DOCK3: variants seen among roughly 807,000 people sequenced by gnomAD.
The protein encoded by DOCK3 is dedicator of cytokinesis protein 3.
A neutral mutation model predicts 265.6 loss-of-function variants in DOCK3; 60 were observed. That is an observed-to-expected ratio of 0.23 (90% CI 0.18 to 0.28). DOCK3 has a LOEUF of 0.28. Among genes scored for constraint, DOCK3 ranks in the 10% least tolerant of loss-of-function variants. The pLI is 1.00. For missense variants in DOCK3, 1,981 were observed against 2,594.3 expected (o/e 0.76, Z 5.14); for synonymous variants, 881 against 938.0 (o/e 0.94, Z 1.11).
chr3:51,282,641 G>A (rs1346779289), intron 27 of DOCK3, among the ~76,000 whole-genome samples: 9 of 121,520 alleles, frequency 7.4e-5, no homozygotes, highest in Admixed American at 5.8e-4. Flanking sequence ...CAACAAGAGT[G>A]AAACTCTGTC....
chr3:50,753,162 G>A (rs780998401), intron 1 of DOCK3, among the ~76,000 whole-genome samples: 1 of 152,162 alleles, frequency 6.6e-6, no homozygotes, highest in Non-Finnish European at 1.5e-5. Flanking sequence ...CTAATGAGAA[G>A]AATAGAATCT....
chr3:51,241,728 C>A (rs1241284727), intron 21 of DOCK3, among the ~76,000 whole-genome samples: 1 of 152,216 alleles, frequency 6.6e-6, no homozygotes, highest in Non-Finnish European at 1.5e-5. Flanking sequence ...TTAATACTTG[C>A]AATTGCATTC....
chr3:50,719,716 A>C, intron 1 of DOCK3: 1 of 1,421,268 alleles, frequency 7.0e-7, no homozygotes, highest in Admixed American at 1.7e-5. Flanking sequence ...TTCAGAGTGA[A>C]GTTCTTATCA....
intron 5 of DOCK3, among the ~76,000 whole-genome samples, chr3:50,940,189 T>C (rs1315428820): frequency 6.6e-6 from 1 of 151,284 alleles, no homozygotes; most frequent in Non-Finnish European, 1.5e-5. Flanking sequence ...AGGCACAGTG[T>C]CTCATGCTTG....
Position 50,675,161 on chromosome 3 carries a change from C to A in DOCK3, c.-103C>A. 1.2e-6 allele frequency: 1 copy of A among 865,910 alleles called. No homozygotes were observed. The highest frequency in any genetic ancestry group is 1.4e-6 in the Non-Finnish European group (1 of 707,108). 53.6% of individuals were successfully genotyped at this position (865,910 alleles called of 1,614,324 possible). On this transcript the variant is annotated 5_prime_UTR_variant, in exon 1 of 53. Coordinates refer to ENST00000266037, the MANE Select transcript of DOCK3 (RefSeq NM_004947.5). The surrounding 1 kb of genome is among the most constrained non-coding windows in gnomAD (Gnocchi z 6.1). Reference sequence around the variant, plus strand: ...CCGCCCACTGCCCCGCGCCGCCTGACCGTCCCCGCCTCGACTCGCGGTGCG... The same window carrying A: ...CCGCCCACTGCCCCGCGCCGCCTGAACGTCCCCGCCTCGACTCGCGGTGCG...
intron 1 of DOCK3, among the ~76,000 whole-genome samples, chr3:50,775,631 G>A (rs1348863016): frequency 6.6e-6 from 1 of 151,992 alleles, no homozygotes; most frequent in South Asian, 2.1e-4. Flanking sequence ...AGTAGAGGTA[G>A]GTTTTGGTTT....
chr3:50,854,450 G>A (rs1670522431), intron 3 of DOCK3, among the ~76,000 whole-genome samples: 2 of 141,372 alleles, frequency 1.4e-5, no homozygotes, highest in Non-Finnish European at 3.0e-5. Context: ...TTATTTTGGC[G>A]AACAGGGTCT....
chr3:50,959,156 G>A (rs1209051035), intron 5 of DOCK3, among the ~76,000 whole-genome samples: 1 of 152,078 alleles, frequency 6.6e-6, no homozygotes, highest in Non-Finnish European at 1.5e-5. Context: ...GTAATATACT[G>A]TGCAGACTTT....
chr3:50,787,983 C>T, intron 2 of DOCK3: 1 of 835,872 alleles, frequency 1.2e-6, no homozygotes, highest in Non-Finnish European at 2.0e-6. Flanking sequence ...TCTTCTGTGT[C>T]ATCAGAATTC....
intron 4 of DOCK3, among the ~76,000 whole-genome samples, chr3:50,903,149 T>C (rs979555464): frequency 1.3e-5 from 2 of 152,162 alleles, no homozygotes; most frequent in African/African-American, 4.8e-5. Context: ...TCTTCCTGTT[T>C]GAATACTTTA....
intron 7 of DOCK3, among the ~76,000 whole-genome samples, chr3:51,079,660 G>A (rs1162045867): frequency 5.3e-5 from 8 of 151,986 alleles, no homozygotes; most frequent in Admixed American, 2.6e-4. Flanking sequence ...GCAGGATTTT[G>A]CATTCTTTAT....
At chr3:50,885,678 C>T in intron 3 of DOCK3, among the ~76,000 whole-genome samples, 1 of 152,058 alleles carries the variant, frequency 6.6e-6, no homozygotes, top group South Asian at 2.1e-4. Context: ...TCCAGATAAT[C>T]CAGGCAATCT....
chr3:50,780,249 C>T (rs535459428), intron 2 of DOCK3, among the ~76,000 whole-genome samples: 4 of 152,246 alleles, frequency 2.6e-5, no homozygotes, highest in East Asian at 1.9e-4. Context: ...ACATCACATT[C>T]GGTCATAAAA....
chr3:50,853,361 A>G (rs2046428745), intron 3 of DOCK3, among the ~76,000 whole-genome samples: 2 of 151,624 alleles, frequency 1.3e-5, no homozygotes, highest in South Asian at 4.2e-4. Flanking sequence ...TTACATGGGT[A>G]TATTGTGTAA....
intron 33 of DOCK3, among the ~76,000 whole-genome samples, chr3:51,332,439 C>T (rs1328038963): frequency 6.6e-6 from 1 of 152,200 alleles, no homozygotes; most frequent in African/African-American, 2.4e-5. Flanking sequence ...TGCTTGGGAG[C>T]ATTCCCTGTG....
intron 5 of DOCK3, among the ~76,000 whole-genome samples, chr3:51,061,772 C>T (rs1369240019): frequency 1.3e-5 from 2 of 152,066 alleles, no homozygotes; most frequent in African/African-American, 4.8e-5. Context: ...GACACATACT[C>T]TCCTGCTTTT....
intron 14 of DOCK3, among the ~76,000 whole-genome samples, chr3:51,219,278 A>T (rs1041552615): frequency 1.3e-5 from 2 of 152,080 alleles, no homozygotes; most frequent in Admixed American, 6.6e-5. Context: ...GCAGAGATGA[A>T]GATAGTTGGG....
intron 6 of DOCK3, among the ~76,000 whole-genome samples, chr3:51,068,186 A>G (rs2081676912): frequency 6.6e-6 from 1 of 152,336 alleles, no homozygotes; most frequent in Non-Finnish European, 1.5e-5. Flanking sequence ...TATTGATTAA[A>G]TATGTCTACA....
chr3:51,282,079 G>A (rs893236932), intron 27 of DOCK3, among the ~76,000 whole-genome samples: 6 of 152,234 alleles, frequency 3.9e-5, no homozygotes, highest in Middle Eastern at 3.4e-3. Context: ...GCTGGAACGG[G>A]ACCTCACATT....
Sources: gnomAD v4.1 joint callset for allele counts (sites outside exome capture counted in the v4.1 genomes callset) on GRCh38, gnomAD v4.1.1 for gene constraint, Gnocchi (gnomAD v3.1) non-coding constraint, MANE v1.5 for transcripts, NCBI Gene and HGNC (gene_info 2026-07-23, HGNC 2026-07-21) for gene names.